Variants in PRIM2 observed in about 807,000 individuals in gnomAD.
The protein encoded by PRIM2 is DNA primase subunit 2, also known as DNA primase large subunit.
PRIM2 carries 39 observed loss-of-function variants against 67.3 expected under a neutral mutation model. That is an observed-to-expected ratio of 0.58 (90% CI 0.45 to 0.76). The LOEUF is 0.76. Ranked by LOEUF, PRIM2 falls within the 30% of genes least tolerant of loss-of-function variation. The pLI, the probability that PRIM2 is intolerant of heterozygous loss-of-function variation, is 0.00. For missense variants in PRIM2, 398 were observed against 598.7 expected (o/e 0.66, Z 3.50); for synonymous variants, 143 against 198.7 (o/e 0.72, Z 2.36).
intron 7 of PRIM2, among the ~76,000 whole-genome samples, chr6:57,479,183 T>G (rs1209660678): frequency 6.6e-6 from 1 of 152,242 alleles, no homozygotes; most frequent in Admixed American, 6.5e-5. Context: ...TCATTCCGTA[T>G]AATTTTGAGT....
the PRIM2 span, among the ~76,000 whole-genome samples, chr6:57,255,284 G>A: frequency 1.4e-3 from 213 of 152,206 alleles, 1 homozygote; most frequent in Non-Finnish European, 1.8e-3. Context: ...GGATCACGAG[G>A]TCAGGAGATC....
At chr6:57,482,381 T>C (rs1467268036) in intron 7 of PRIM2, among the ~76,000 whole-genome samples, 5,086 of 152,186 alleles carry the variant, frequency 0.033, 285 homozygotes, top group African/African-American at 0.11. Flanking sequence ...AAAAGAAATA[T>C]ATAAATCAGA....
chr6:57,354,836 T>G (rs1376520777), intron 5 of PRIM2, among the ~76,000 whole-genome samples: 1 of 152,258 alleles, frequency 6.6e-6, no homozygotes, highest in African/African-American at 2.4e-5. Context: ...GTTTAAGAGT[T>G]GAACTTTGTT....
intron 5 of PRIM2, among the ~76,000 whole-genome samples, chr6:57,329,543 C>G (rs1253890978): frequency 6.6e-6 from 1 of 152,028 alleles, no homozygotes; most frequent in Non-Finnish European, 1.5e-5. Context: ...TGGGAGGTAA[C>G]TGAATCATGG....
the PRIM2 span, among the ~76,000 whole-genome samples, chr6:57,223,870 T>C: frequency 6.6e-6 from 1 of 152,194 alleles, no homozygotes; most frequent in South Asian, 2.1e-4. Context: ...TGTGTGCTGC[T>C]GGTGGGAATG....
At chr6:57,495,072 C>A (rs2127411605) in intron 7 of PRIM2, among the ~76,000 whole-genome samples, 1 of 152,164 alleles carries the variant, frequency 6.6e-6, no homozygotes, top group South Asian at 2.1e-4. Flanking sequence ...TTTTAATAGG[C>A]AAAACATGTT....
the PRIM2 span, among the ~76,000 whole-genome samples, chr6:57,297,099 CTTTTT>C: frequency 6.6e-6 from 1 of 151,872 alleles, no homozygotes; most frequent in Admixed American, 6.6e-5. Flanking sequence ...AACATGCTCT[CTTTTT>C]TTTAACAGTA....
At chr6:57,642,453 T>A (rs1777258084) in intron 13 of PRIM2, among the ~76,000 whole-genome samples, 1 of 126,456 alleles carries the variant, frequency 7.9e-6, no homozygotes, top group Non-Finnish European at 1.7e-5. Flanking sequence ...TTTTTTTTTT[T>A]TTTTTTTGAG....
At chr6:57,526,704 G>A (rs1363675646) in intron 8 of PRIM2, among the ~76,000 whole-genome samples, 1 of 152,138 alleles carries the variant, frequency 6.6e-6, no homozygotes, top group Non-Finnish European at 1.5e-5. Flanking sequence ...CTATGTTGGT[G>A]ACAGTGAATG....
In PRIM2 at chr6:57,541,976, T is replaced by G. The variant is rs1775167866; in HGVS notation, c.1020+4351T>G. ...GCTGGGTGGTTGTTGTGTTTTGGTT[T>G]TTTTTTTTTTTTTTTTTGAGACAGA... On this transcript the variant is annotated intron_variant, in intron 10 of 13. Transcript: ENST00000615550. 4.7e-5 allele frequency among the ~76,000 whole-genome samples: 3 copies of G among 63,992 alleles called. No homozygotes were observed. In the Admixed American group the frequency reaches 4.9e-4, roughly 11 times the overall value. 42.0% of individuals were successfully genotyped at this position (63,992 alleles called of 152,430 possible).
chr6:57,375,191 T>C (rs532877793), intron 5 of PRIM2, among the ~76,000 whole-genome samples: 1 of 152,368 alleles, frequency 6.6e-6, no homozygotes, highest in Non-Finnish European at 1.5e-5. Flanking sequence ...CAGTATGATA[T>C]TGGCTGTGGG....
chr6:57,263,599 C>T, the PRIM2 span, among the ~76,000 whole-genome samples: 1 of 152,090 alleles, frequency 6.6e-6, no homozygotes, highest in African/African-American at 2.4e-5. Context: ...CTGCAAAGGC[C>T]CTGTTTCCAA....
At chr6:57,285,862 C>A in the PRIM2 span, among the ~76,000 whole-genome samples, 1 of 152,142 alleles carries the variant, frequency 6.6e-6, no homozygotes. Context: ...AAAACCCCAT[C>A]GTCTCAGCCC....
At chr6:57,255,610 A>C in the PRIM2 span, among the ~76,000 whole-genome samples, 1 of 152,034 alleles carries the variant, frequency 6.6e-6, no homozygotes, top group African/African-American at 2.4e-5. Context: ...CCATTTTTAC[A>C]CTGGTTGGGG....
chr6:57,642,736 C>T (rs1490708381), intron 13 of PRIM2, among the ~76,000 whole-genome samples: 5 of 152,170 alleles, frequency 3.3e-5, no homozygotes, highest in African/African-American at 1.2e-4. Context: ...CCACCACGCC[C>T]AGCCCCTTAA....
At chr6:57,592,892 A>G (rs1440421173) in intron 10 of PRIM2, among the ~76,000 whole-genome samples, 21 of 152,206 alleles carry the variant, frequency 1.4e-4, no homozygotes, top group Non-Finnish European at 2.4e-4. Flanking sequence ...CCATGTCAGC[A>G]AAGAGATGTT....
chr6:57,537,510 G>A lies in PRIM2; in HGVS notation c.905G>A (p.Arg302His). 3.2e-6 allele frequency: 5 copies of A among 1,566,692 alleles called. No homozygotes were observed. The highest frequency in any genetic ancestry group is 4.4e-6 in the Non-Finnish European group (5 of 1,142,166). Reference sequence around the variant, plus strand: ...GCCTTGCGGGAAAATCACCATCTTCGTCATGGAGGCCGAATGCAGTATGGC... The same window carrying A: ...GCCTTGCGGGAAAATCACCATCTTCATCATGGAGGCCGAATGCAGTATGGC... ...HKALRENHHL[R>H]HGGRMQYGLF... is the part of the protein sequence containing the mutation. The change falls in exon 10 of 14, where the codon CGT (arginine) becomes CAT (histidine). Residue 302 changes from arginine (R) to histidine (H), a missense_variant. Around this residue, in one of 4 missense-constraint regions of PRIM2, gnomAD observed 229 missense variants for 383.6 expected, o/e 0.60. Coordinates refer to ENST00000615550, the MANE Select transcript of PRIM2 (RefSeq NM_000947.5).
At chr6:57,409,559 A>C (rs1771015051) in intron 7 of PRIM2, among the ~76,000 whole-genome samples, 1 of 152,090 alleles carries the variant, frequency 6.6e-6, no homozygotes, top group Admixed American at 6.5e-5. Context: ...TTGCCAAACT[A>C]TTTCCAAAGT....
intron 10 of PRIM2, among the ~76,000 whole-genome samples, chr6:57,579,150 G>A (rs1776027981): frequency 7.1e-6 from 1 of 140,606 alleles, no homozygotes; most frequent in Admixed American, 7.7e-5. Flanking sequence ...TCTAATTCTT[G>A]ATACAGTTTT....
Sources: allele counts gnomAD v4.1 joint callset (sites outside exome capture counted in the v4.1 genomes callset), GRCh38; gene constraint gnomAD v4.1.1; regional missense constraint gnomAD v4.1.1; transcripts MANE v1.5; gene names NCBI Gene and HGNC (gene_info 2026-07-23, HGNC 2026-07-21).